Variants in AUTS2 observed in about 807,000 individuals in gnomAD.
AUTS2 encodes the protein autism susceptibility gene 2 protein.
AUTS2 carries 17 observed loss-of-function variants against 112.4 expected under a neutral mutation model. The observed-to-expected ratio is 0.15, with a 90% confidence interval of 0.10 to 0.23. AUTS2 has a LOEUF of 0.23. AUTS2 is among the 10% of genes least tolerant of loss of function. AUTS2 has a pLI of 1.00. For synonymous variants in AUTS2, 751 were observed against 702.7 expected, an observed-to-expected ratio of 1.07 and a Z score of -1.09; for missense variants, 1,510 against 1,701.6, an observed-to-expected ratio of 0.89 and a Z score of 1.98.
At chr7:69,628,763 C>G (rs549384677) in intron 1 of AUTS2, among the ~76,000 whole-genome samples, 1 of 152,076 alleles carries the variant, frequency 6.6e-6, no homozygotes, top group Non-Finnish European at 1.5e-5. Flanking sequence ...AAATCTGTCC[C>G]CCAGGATCCA....
rs73450520 is a variant in AUTS2 at position 70,517,748 on chromosome 7, C to G, written c.690+81967C>G. On this transcript the variant is annotated intron_variant, in intron 5 of 18. Transcript: ENST00000342771. ...ATATGTATACATATGAATACACACACACACGATTTGTGTCCAGTTAATGAT... is the reference window on the plus strand; with the variant it reads ...ATATGTATACATATGAATACACACAGACACGATTTGTGTCCAGTTAATGAT... 8.6e-3 allele frequency among the ~76,000 whole-genome samples: 1,299 copies of G among 151,924 alleles called. 20 individuals carry two copies. The highest frequency in any genetic ancestry group is 0.03 in the African/African-American group (1,233 of 41,460).
intron 1 of AUTS2, among the ~76,000 whole-genome samples, chr7:69,864,018 T>C (rs1793109158): frequency 6.6e-6 from 1 of 152,164 alleles, no homozygotes; most frequent in African/African-American, 2.4e-5. Flanking sequence ...CAGGAAATAA[T>C]GCAGGGGTGG....
At chr7:70,050,758 G>A (rs923994670) in intron 2 of AUTS2, among the ~76,000 whole-genome samples, 1 of 152,144 alleles carries the variant, frequency 6.6e-6, no homozygotes, top group African/African-American at 2.4e-5. Flanking sequence ...ACTTTAGGAG[G>A]CCAAGACGAA....
chr7:70,425,088 T>C (rs1416234688), intron 4 of AUTS2, among the ~76,000 whole-genome samples: 5 of 152,132 alleles, frequency 3.3e-5, no homozygotes, highest in Non-Finnish European at 7.4e-5. Flanking sequence ...CATTGACCCT[T>C]TGGCTGGGAA....
chr7:69,613,260 G>A (rs1177390229), intron 1 of AUTS2, among the ~76,000 whole-genome samples: 1 of 152,162 alleles, frequency 6.6e-6, no homozygotes, highest in Non-Finnish European at 1.5e-5. Flanking sequence ...TTGTTGTGCT[G>A]AAAATTGTTA....
At chr7:70,247,039 C>A (rs928657571) in intron 4 of AUTS2, among the ~76,000 whole-genome samples, 1 of 152,064 alleles carries the variant, frequency 6.6e-6, no homozygotes, top group African/African-American at 2.4e-5. Flanking sequence ...TCATTCATAG[C>A]AGGGACTCAA....
intron 5 of AUTS2, among the ~76,000 whole-genome samples, chr7:70,613,897 C>A (rs1046842206): frequency 2.6e-5 from 4 of 152,204 alleles, no homozygotes; most frequent in Admixed American, 2.0e-4. Flanking sequence ...GCATTCACAT[C>A]CACTTACGCA....
In AUTS2 at chr7:69,823,512, A is replaced by G. The variant is rs115822175; in HGVS notation, c.310-75774A>G. Among the ~76,000 whole-genome samples, 407 of 152,340 alleles carry G rather than the reference A, an allele frequency of 2.7e-3. 4 individuals carry two copies. Among genetic ancestry groups the G allele is most frequent in the African/African-American group, 9.3e-3 (388 of 41,570 alleles). On this transcript the variant is annotated intron_variant, in intron 1 of 18. Transcript: ENST00000342771. ...AGCAGCTACAGTCCATCAGCATTGG[A>G]CACATTGGTAGATCACCCCTGCTGT...
In AUTS2 at chr7:70,470,762, C is replaced by T. The variant is rs376735227; in HGVS notation, c.690+34981C>T. On this transcript the variant is annotated intron_variant, in intron 5 of 18. Transcript: ENST00000342771. Reference sequence around the variant, plus strand: ...GTGGTTGTGGAGATGGTCTGTAACCCCACCGGGAGCAGCAGCATCTGAACT... The same window carrying T: ...GTGGTTGTGGAGATGGTCTGTAACCTCACCGGGAGCAGCAGCATCTGAACT... 6.6e-5 allele frequency among the ~76,000 whole-genome samples: 10 copies of T among 152,216 alleles called. No individual in the cohort carries two copies. The East Asian group carries it at 1.2e-3, about 18-fold the overall frequency.
intron 4 of AUTS2, among the ~76,000 whole-genome samples, chr7:70,352,853 G>A (rs537521032): frequency 1.4e-4 from 21 of 152,292 alleles, no homozygotes; most frequent in Non-Finnish European, 2.8e-4. Flanking sequence ...ATTCCTCATC[G>A]AAGAAGTGAC....
intron 5 of AUTS2, among the ~76,000 whole-genome samples, chr7:70,691,322 T>A (rs1563130507): frequency 1.3e-5 from 2 of 152,138 alleles, no homozygotes; most frequent in African/African-American, 4.8e-5. Flanking sequence ...GTGTTTAGTA[T>A]GTTAATCCAC....
intron 1 of AUTS2, among the ~76,000 whole-genome samples, chr7:69,683,480 C>A (rs944450445): frequency 6.6e-6 from 1 of 152,136 alleles, no homozygotes; most frequent in East Asian, 1.9e-4. Context: ...CTTTTACCCT[C>A]TCTATCTGCT....
chr7:70,155,204 A>G (rs888895420), intron 4 of AUTS2, among the ~76,000 whole-genome samples: 3 of 152,172 alleles, frequency 2.0e-5, no homozygotes, highest in Non-Finnish European at 4.4e-5. Flanking sequence ...TGGGGAGAAC[A>G]GTGAGGAAAA....
chr7:69,967,658 C>A (rs1563002402), intron 2 of AUTS2, among the ~76,000 whole-genome samples: 1 of 152,114 alleles, frequency 6.6e-6, no homozygotes, highest in Non-Finnish European at 1.5e-5. Flanking sequence ...CGGAAAGAAG[C>A]CTTTGCTGAC....
chr7:69,968,722 A>G (rs1271056937), intron 2 of AUTS2, among the ~76,000 whole-genome samples: 1 of 152,166 alleles, frequency 6.6e-6, no homozygotes, highest in Non-Finnish European at 1.5e-5. Context: ...TGATGTGGCA[A>G]GATGGAAAAT....
At chr7:69,847,857 C>CTGCTCTTGCTCT (rs151266042) in intron 1 of AUTS2, among the ~76,000 whole-genome samples, 166 of 152,348 alleles carry the variant, frequency 1.1e-3, no homozygotes, top group Non-Finnish European at 1.8e-3. Flanking sequence ...GAAAACAGCT[C>CTGCTCTTGCTCT]TGCTCTTGCT....
intron 2 of AUTS2, among the ~76,000 whole-genome samples, chr7:70,078,345 A>G (rs1375781280): frequency 1.3e-5 from 2 of 152,134 alleles, no homozygotes; most frequent in African/African-American, 2.4e-5. Context: ...CAACGTGAGA[A>G]TTTCATCTTG....
intron 5 of AUTS2, among the ~76,000 whole-genome samples, chr7:70,612,185 A>G (rs954200990): frequency 2.6e-5 from 4 of 152,326 alleles, no homozygotes; most frequent in Admixed American, 2.6e-4. Context: ...TCTTTGTTCT[A>G]TAAAGAATAC....
At chr7:69,873,998 G>C (rs1040474487) in intron 1 of AUTS2, among the ~76,000 whole-genome samples, 2 of 152,214 alleles carry the variant, frequency 1.3e-5, no homozygotes, top group African/African-American at 2.4e-5. Flanking sequence ...TTTTGTTAAG[G>C]ATAATGGAAA....
Sources: gnomAD v4.1 joint callset for allele counts (sites outside exome capture counted in the v4.1 genomes callset) on GRCh38, gnomAD v4.1.1 for gene constraint, MANE v1.5 for transcripts, NCBI Gene and HGNC (gene_info 2026-07-23, HGNC 2026-07-21) for gene names.